MYO3B: variants seen among roughly 807,000 people sequenced by gnomAD.
The protein encoded by MYO3B is myosin IIIB, also known as myosin-IIIb.
MYO3B carries 156 observed loss-of-function variants against 174.6 expected under a neutral mutation model. That is an observed-to-expected ratio of 0.89 (90% confidence interval 0.78 to 1.02). The LOEUF (loss-of-function observed/expected upper bound fraction) is 1.02. Ranked by LOEUF, MYO3B falls within the 50% of genes least tolerant of loss-of-function variation. The probability of loss-of-function intolerance (pLI) is 0.00; values close to 1 mark genes in which losing one functional copy is unlikely to be tolerated. For synonymous variants in MYO3B, 563 were observed against 569.1 expected (o/e 0.99, Z 0.15); for missense variants, 1,632 against 1,639.4 (o/e 1.00, Z 0.08).
At chr2:170,296,460 G>A (rs2093629483) in intron 7 of MYO3B, among the ~76,000 whole-genome samples, 1 of 152,136 alleles carries the variant, frequency 6.6e-6, no homozygotes, top group African/African-American at 2.4e-5. Context: ...TTATTTAGAC[G>A]TCTCCATGTC....
chr2:170,615,646 T>C (rs1695415753), intron 32 of MYO3B, among the ~76,000 whole-genome samples: 1 of 152,258 alleles, frequency 6.6e-6, no homozygotes, highest in Admixed American at 6.5e-5. Flanking sequence ...GTCAGGAATC[T>C]GGACGCAGAT....
rs534983803 is a variant in MYO3B at position 170,580,467 on chromosome 2, G to A, written c.3733+36479G>A. Among the ~76,000 whole-genome samples, 50 of 152,178 alleles carry A rather than the reference G, an allele frequency of 3.3e-4. No individual in the cohort carries two copies. The South Asian group carries it at 7.2e-3, about 22-fold the overall frequency. ...AGCCTGGCCAACATGGCAAAACCCC[G>A]TCTCTACTAAAAATACAAAAATCAG... On this transcript the variant is annotated intron_variant, in intron 32 of 34. Transcript: ENST00000408978.
At chr2:170,196,353 C>T (rs2092600047) in intron 1 of MYO3B, among the ~76,000 whole-genome samples, 1 of 152,082 alleles carries the variant, frequency 6.6e-6, no homozygotes, top group African/African-American at 2.4e-5. Flanking sequence ...CTCTCCACCC[C>T]ACCAAAAAAA....
intron 7 of MYO3B, among the ~76,000 whole-genome samples, chr2:170,253,379 G>C (rs900231451): frequency 2.0e-5 from 3 of 152,196 alleles, no homozygotes; most frequent in Non-Finnish European, 4.4e-5. Flanking sequence ...TTCCAAGTTG[G>C]AGACGGTTGT....
chr2:170,494,696 C>T (rs1686725577), intron 25 of MYO3B, among the ~76,000 whole-genome samples: 1 of 128,194 alleles, frequency 7.8e-6, no homozygotes, highest in Non-Finnish European at 1.5e-5. Context: ...CCGCTGTACT[C>T]CAGCCTGGGC....
chr2:170,541,418 A>G (rs1690097749), intron 30 of MYO3B, among the ~76,000 whole-genome samples: 1 of 152,182 alleles, frequency 6.6e-6, no homozygotes, highest in East Asian at 1.9e-4. Flanking sequence ...GAGTCAGACA[A>G]ACACGGGTGA....
intron 32 of MYO3B, among the ~76,000 whole-genome samples, chr2:170,599,812 A>G (rs1287149957): frequency 1.3e-5 from 2 of 152,192 alleles, no homozygotes; most frequent in Non-Finnish European, 1.5e-5. Context: ...GCTTGCCCTT[A>G]GTCTCAGGCT....
intron 7 of MYO3B, among the ~76,000 whole-genome samples, chr2:170,279,117 A>T (rs922174542): frequency 5.3e-5 from 8 of 151,950 alleles, no homozygotes; most frequent in Non-Finnish European, 1.0e-4. Flanking sequence ...CCTTTTATAT[A>T]TTGATTCCCT....
chr2:170,466,612 G>A lies in MYO3B; in HGVS notation c.2915G>A (p.Arg972Lys). Residue 972 changes from arginine (R) to lysine (K), a missense_variant, in exon 25 of 35, where the codon AGG (arginine) becomes AAG (lysine). By Grantham distance (26) the Arg-to-Lys change is conservative. Coordinates refer to ENST00000408978, the MANE Select transcript of MYO3B (RefSeq NM_138995.5). ...DREALQFSRE[R>K]VLAQLRSTGI... ...GAGGCCCTGCAGTTCTCTCGAGAGA[G>A]GGTGCTGGCCCAGCTCCGCTCCACA... The A allele has an allele frequency of 6.2e-7, 1 of 1,614,248 alleles. No homozygotes were observed. Among genetic ancestry groups the A allele is most frequent in the Non-Finnish European group, 8.5e-7 (1 of 1,180,048 alleles).
At chr2:170,380,034 G>C (rs2094323776) in intron 9 of MYO3B, among the ~76,000 whole-genome samples, 2 of 152,188 alleles carry the variant, frequency 1.3e-5, no homozygotes, top group South Asian at 4.1e-4. Context: ...ACCAAAGGGT[G>C]GGGTGTACAT....
At chr2:170,532,474 C>T (rs1689413854) in intron 30 of MYO3B, among the ~76,000 whole-genome samples, 1 of 151,908 alleles carries the variant, frequency 6.6e-6, no homozygotes. Flanking sequence ...AAGAAAATGC[C>T]CTTCCTTTTT....
chr2:170,409,071 G>A (rs1027940211), intron 22 of MYO3B, among the ~76,000 whole-genome samples: 3 of 152,172 alleles, frequency 2.0e-5, no homozygotes, highest in Non-Finnish European at 4.4e-5. Context: ...ATTGATAGGG[G>A]ACATGCTCTC....
At chr2:170,459,107 C>T (rs556886020) in intron 23 of MYO3B, among the ~76,000 whole-genome samples, 3 of 152,144 alleles carry the variant, frequency 2.0e-5, no homozygotes, top group Admixed American at 6.5e-5. Flanking sequence ...CTCATAAAGG[C>T]AGAGTGGACC....
At position 170,196,951 on chromosome 2, in the gene MYO3B, C is replaced by T. The variant is rs113953541; in HGVS notation, c.3-2257C>T. On this transcript the variant is annotated intron_variant, in intron 1 of 34. Coordinates refer to ENST00000408978, the MANE Select transcript of MYO3B (RefSeq NM_138995.5). ...GAGGTCACAAGACATGCAACTTCCC[C>T]AATTACTCCTGCAGATAACATCACT... Among the ~76,000 whole-genome samples the T allele has an allele frequency of 4.0e-3, 606 of 152,076 alleles. 6 individuals are homozygous for T. The highest frequency in any genetic ancestry group is 3.3e-3 in the Non-Finnish European group (226 of 68,002).
At chr2:170,360,699 A>G (rs1440601010) in intron 8 of MYO3B, among the ~76,000 whole-genome samples, 3 of 152,220 alleles carry the variant, frequency 2.0e-5, no homozygotes, top group African/African-American at 7.2e-5. Flanking sequence ...TCGTTAGGTC[A>G]TGAGAGCCTC....
intron 23 of MYO3B, among the ~76,000 whole-genome samples, chr2:170,457,323 T>C (rs1683964493): frequency 6.6e-6 from 1 of 152,232 alleles, no homozygotes; most frequent in African/African-American, 2.4e-5. Context: ...TAAAAAGGCC[T>C]GTAAAACAAA....
Position 170,217,394 on chromosome 2 carries a change from A to G in MYO3B, c.602A>G (p.Glu201Gly). ...SVGTPFWMAP[E>G]VIACEQQYDS... ...GGCACCCCGTTCTGGATGGCCCCTG[A>G]GGTAAGCTGGAAATACCTAGTTCTT... Residue 201 changes from glutamate to glycine, a missense_variant and splice_region_variant, in exon 6 of 35, where the codon GAG (glutamate) becomes GGG (glycine). By Grantham distance (98) the Glu-to-Gly change is moderately conservative. Coordinates refer to ENST00000408978, the MANE Select transcript of MYO3B (RefSeq NM_138995.5). The G allele has an allele frequency of 3.1e-6, 5 of 1,613,364 alleles. No individual in the cohort carries two copies. Among genetic ancestry groups the G allele is most frequent in the Non-Finnish European group, 4.2e-6 (5 of 1,179,296 alleles).
Position 170,461,734 on chromosome 2 carries a change from C to G in MYO3B, c.2731-1634C>G, listed in dbSNP as rs551613781. 7.3e-5 allele frequency among the ~76,000 whole-genome samples: 11 copies of G among 150,878 alleles called. No homozygotes were observed. The South Asian group carries it at 1.5e-3, about 20-fold the overall frequency. On this transcript the variant is annotated intron_variant, in intron 23 of 34. Transcript: ENST00000408978. ...GTGGTTGTAGTGAGCTGAGATCGCG[C>G]CATTGCACTCCAGCCTGGGCAACAA...
intron 31 of MYO3B, among the ~76,000 whole-genome samples, chr2:170,543,593 C>A (rs761406004): frequency 2.5e-4 from 38 of 152,122 alleles, no homozygotes; most frequent in Admixed American, 4.6e-4. Flanking sequence ...AGGTGAAAAT[C>A]AGCACATAGC....
Sources: gnomAD v4.1 joint callset for allele counts (sites outside exome capture counted in the v4.1 genomes callset) on GRCh38, gnomAD v4.1.1 for gene constraint, MANE v1.5 for transcripts, NCBI Gene and HGNC (gene_info 2026-07-23, HGNC 2026-07-21) for gene names.